Variants in AGPAT4 observed in about 807,000 individuals in gnomAD.
The protein encoded by AGPAT4 is 1-acyl-sn-glycerol-3-phosphate acyltransferase delta.
In AGPAT4, 15 loss-of-function variants were observed where a neutral mutation model predicts 48.0. The ratio of observed to expected loss-of-function variants is 0.31; its 90% CI spans 0.21 to 0.48. The LOEUF (loss-of-function observed/expected upper bound fraction) is 0.48, where lower values mean the gene tolerates loss of function less well. Ranked by LOEUF, AGPAT4 falls within the 20% of genes least tolerant of loss-of-function variation. The pLI is 0.99. For missense variants in AGPAT4, 314 were observed against 482.5 expected, an observed-to-expected ratio of 0.65 and a Z score of 3.27; for synonymous variants, 178 against 198.7, an observed-to-expected ratio of 0.90 and a Z score of 0.88.
intron 2 of AGPAT4, among the ~76,000 whole-genome samples, chr6:161,211,462 G>A (rs896438458): frequency 3.9e-5 from 6 of 152,006 alleles, no homozygotes; most frequent in Non-Finnish European, 8.8e-5. Context: ...GGTTTCTTTG[G>A]CAAGAAAGCT....
rs900371967 is a variant in AGPAT4 at position 161,244,913 on chromosome 6, C to G, written c.-89-12611G>C. ...GCCTGGGGAGTCCCAGTGTCAGAGA[C>G]AGGCTATCTCAGAAAACCAAGGAGA... On this transcript the variant is annotated intron_variant, in intron 1 of 8. Transcript: ENST00000320285. The surrounding 1 kb of genome is among the most constrained non-coding windows in gnomAD (Gnocchi z 4.7). Among the ~76,000 whole-genome samples the G allele has an allele frequency of 6.6e-6, 1 of 152,216 alleles. No individual in the cohort carries two copies. Among genetic ancestry groups the G allele is most frequent in the Non-Finnish European group, 1.5e-5 (1 of 68,050 alleles).
chr6:161,135,094 AC>A lies in AGPAT4; in HGVS notation c.*1445del, dbSNP rs1779023421. ...TTGGCTTACCTAGTTTGGTTGATAA[AC>A]AATGACTAAATGAGCAAATAGCCAA... On this transcript the variant is annotated 3_prime_UTR_variant, in exon 9 of 9. Coordinates refer to ENST00000320285, the MANE Select transcript of AGPAT4 (RefSeq NM_020133.3). 1 of 141,890 alleles carries A rather than the reference AC, an allele frequency of 7.0e-6. No individual in the cohort carries two copies. Among genetic ancestry groups the A allele is most frequent in the African/African-American group, 2.7e-5 (1 of 37,296 alleles). 8.8% of individuals were successfully genotyped at this position (141,890 alleles called of 1,614,324 possible). A position where few individuals can be genotyped will look rare whatever the true frequency, so the allele number is the denominator to read the frequency against.
In AGPAT4 at chr6:161,200,662, G is replaced by C. The variant is rs543514929; in HGVS notation, c.178+31374C>G. ...AATCATATTTACTATGTTGACTAGGGACACCATAGGTCCCTCCTCTGCTCT... is the reference window on the plus strand; with the variant it reads ...AATCATATTTACTATGTTGACTAGGCACACCATAGGTCCCTCCTCTGCTCT... On this transcript the variant is annotated intron_variant, in intron 2 of 8. Coordinates refer to ENST00000320285, the MANE Select transcript of AGPAT4 (RefSeq NM_020133.3). The surrounding 1 kb of genome is among the most constrained non-coding windows in gnomAD (Gnocchi z 5.5). Among the ~76,000 whole-genome samples the C allele has an allele frequency of 1.3e-5, 2 of 152,256 alleles. No homozygotes were observed. The highest frequency in any genetic ancestry group is 3.9e-4 in the East Asian group (2 of 5,184).
rs1165062744 is a variant in AGPAT4 at position 161,142,966 on chromosome 6, GCA to G, written c.844-3348_844-3347del. Among the ~76,000 whole-genome samples the G allele has an allele frequency of 6.6e-6, 1 of 152,226 alleles. No individual in the cohort carries two copies. Among genetic ancestry groups the G allele is most frequent in the Non-Finnish European group, 1.5e-5 (1 of 68,036 alleles). On this transcript the variant is annotated intron_variant, in intron 7 of 8. Transcript: ENST00000320285. This position sits in a 1 kb window ranked among gnomAD's most constrained non-coding sequence, Gnocchi z 6.4. Reference sequence around the variant, plus strand: ...TGTCCTTGAAGGCCAGAGCAGGAGAGCACAGTGTTTCCCACGGGCCACCATGC... The same window carrying G: ...TGTCCTTGAAGGCCAGAGCAGGAGAGCAGTGTTTCCCACGGGCCACCATGC...
chr6:161,231,524 C>A lies in AGPAT4; in HGVS notation c.178+512G>T, dbSNP rs188082067. ...ACTGGCCAAGGAGTGTACAGAATTT[C>A]TCAGTATTATTTGTTACAGCTTCAT... is the stretch of plus-strand genomic sequence containing the variant. On this transcript the variant is annotated intron_variant, in intron 2 of 8. Transcript: ENST00000320285. This position sits in a 1 kb window ranked among gnomAD's most constrained non-coding sequence, Gnocchi z 5.3. Among the ~76,000 whole-genome samples, 8 of 152,122 alleles carry A rather than the reference C, an allele frequency of 5.3e-5. No individual in the cohort carries two copies. The East Asian group carries it at 1.5e-3, about 29-fold the overall frequency.
At chr6:161,150,141 G>C (rs947618086) in intron 5 of AGPAT4, among the ~76,000 whole-genome samples, 1 of 152,168 alleles carries the variant, frequency 6.6e-6, no homozygotes, top group Non-Finnish European at 1.5e-5. Context: ...GAAGCTTCTT[G>C]GATCAAAGGA....
chr6:161,248,892 C>G (rs1296861897), intron 1 of AGPAT4, among the ~76,000 whole-genome samples: 1 of 152,108 alleles, frequency 6.6e-6, no homozygotes, highest in African/African-American at 2.4e-5. Context: ...AAGCTGGAGG[C>G]ATCACACTAT....
rs1029352385 is a variant in AGPAT4, at chr6:161,154,113, A to G, written c.510+36T>C. On this transcript the variant is annotated intron_variant, in intron 4 of 8. Coordinates refer to ENST00000320285, the MANE Select transcript of AGPAT4 (RefSeq NM_020133.3). The surrounding 1 kb of genome is among the most constrained non-coding windows in gnomAD (Gnocchi z 7.8). ...GGTCCCACGGTCACAGTCCTGCAGG[A>G]GCCCTTGGGACACAGCTGCTCTGGT... The G allele has an allele frequency of 8.7e-6, 14 of 1,613,416 alleles. No homozygotes were observed. Among genetic ancestry groups the G allele is most frequent in the Non-Finnish European group, 1.2e-5 (14 of 1,179,912 alleles).
intron 7 of AGPAT4, among the ~76,000 whole-genome samples, chr6:161,145,167 A>G (rs1326914381): frequency 6.6e-6 from 1 of 151,584 alleles, no homozygotes; most frequent in Non-Finnish European, 1.5e-5. Flanking sequence ...TCTTGTTGTT[A>G]AAAAGCTTCA....
At position 161,240,650 on chromosome 6, in the gene AGPAT4, G is replaced by A. The variant is rs1278303353; in HGVS notation, c.-89-8348C>T. Among the ~76,000 whole-genome samples the A allele has an allele frequency of 6.6e-6, 1 of 152,236 alleles. No homozygotes were observed. The highest frequency in any genetic ancestry group is 1.5e-5 in the Non-Finnish European group (1 of 68,046). ...GGACACAGAATCCCCAGGTACTGCG[G>A]TGCCCACAGAGGAGAGGGGAGTGGA... On this transcript the variant is annotated intron_variant, in intron 1 of 8. Coordinates refer to ENST00000320285, the MANE Select transcript of AGPAT4 (RefSeq NM_020133.3). This position sits in a 1 kb window ranked among gnomAD's most constrained non-coding sequence, Gnocchi z 5.5.
chr6:161,232,224 C>CG lies in AGPAT4; in HGVS notation c.-12dup, dbSNP rs1562349404. The CG allele has an allele frequency of 6.2e-7, 1 of 1,608,926 alleles. No homozygotes were observed. Among genetic ancestry groups the CG allele is most frequent in the South Asian group, 1.1e-5 (1 of 90,530 alleles). ...TCCCGCGAGGTCCATGATGCGTGGA[C>CG]GCTCTTATTCAGAAATAAATAACTA... On this transcript the variant is annotated 5_prime_UTR_variant, in exon 2 of 9. Coordinates refer to ENST00000320285, the MANE Select transcript of AGPAT4 (RefSeq NM_020133.3). The surrounding 1 kb of genome is among the most constrained non-coding windows in gnomAD (Gnocchi z 6.8).
intron 2 of AGPAT4, among the ~76,000 whole-genome samples, chr6:161,173,917 G>T (rs1780352930): frequency 1.3e-5 from 2 of 152,106 alleles, no homozygotes; most frequent in African/African-American, 4.8e-5. Context: ...TTTCCCCACT[G>T]CTTGTTTTTG....
rs1782023462 is a variant in AGPAT4 at position 161,227,813 on chromosome 6, C to G, written c.178+4223G>C. On this transcript the variant is annotated intron_variant, in intron 2 of 8. Transcript: ENST00000320285. ...GTTGTAAGAGGCAATATAGAGCTCA[C>G]TCTCCTTTTTTGAGCGTTACACAAA... Among the ~76,000 whole-genome samples, 3 of 152,314 alleles carry G rather than the reference C, an allele frequency of 2.0e-5. No individual in the cohort carries two copies. In the South Asian group the frequency reaches 6.2e-4, roughly 32 times the overall value.
intron 1 of AGPAT4, among the ~76,000 whole-genome samples, chr6:161,241,303 G>A (rs1782481663): frequency 6.6e-6 from 1 of 150,924 alleles, no homozygotes; most frequent in African/African-American, 2.4e-5. Context: ...TCATCTAATG[G>A]TATGGCAGAA....
intron 2 of AGPAT4, among the ~76,000 whole-genome samples, chr6:161,185,597 T>C (rs763375323): frequency 6.6e-6 from 1 of 152,224 alleles, no homozygotes; most frequent in Non-Finnish European, 1.5e-5. Context: ...TAAAGTGAAA[T>C]CTAGATTCTT....
At chr6:161,157,195 T>G (rs1410193226) in intron 3 of AGPAT4, among the ~76,000 whole-genome samples, 1 of 152,238 alleles carries the variant, frequency 6.6e-6, no homozygotes. Context: ...TTTTCCAGTT[T>G]TTTATTGTAA....
rs1282658393 is a variant in AGPAT4, at chr6:161,189,753, C to G, written c.179-23336G>C. Among the ~76,000 whole-genome samples, 2 of 152,154 alleles carry G rather than the reference C, an allele frequency of 1.3e-5. No homozygotes were observed. Among genetic ancestry groups the G allele is most frequent in the African/African-American group, 4.8e-5 (2 of 41,426 alleles). ...CCACCGCCCTCCTAACCCCTCTCTCCTCCACCCAAAAAAGGGCTGAATGCC... is the reference window on the plus strand; with the variant it reads ...CCACCGCCCTCCTAACCCCTCTCTCGTCCACCCAAAAAAGGGCTGAATGCC... On this transcript the variant is annotated intron_variant, in intron 2 of 8. Coordinates refer to ENST00000320285, the MANE Select transcript of AGPAT4 (RefSeq NM_020133.3). The surrounding 1 kb of genome is among the most constrained non-coding windows in gnomAD (Gnocchi z 5.3).
intron 5 of AGPAT4, among the ~76,000 whole-genome samples, chr6:161,151,306 C>A (rs1231944094): frequency 1.3e-5 from 2 of 152,252 alleles, no homozygotes; most frequent in Non-Finnish European, 2.9e-5. Context: ...CCCATGTGCA[C>A]AGTGCGTACA....
rs1372582036 is a variant in AGPAT4 at position 161,208,436 on chromosome 6, A to T, written c.178+23600T>A. 6.6e-6 allele frequency among the ~76,000 whole-genome samples: 1 copy of T among 152,036 alleles called. No homozygotes were observed. The highest frequency in any genetic ancestry group is 1.9e-4 in the East Asian group (1 of 5,186). Reference sequence around the variant, plus strand: ...CTCATGTACACACTTATGTATACAAATGCACGCACACACACCCACCCCCAA... The same window carrying T: ...CTCATGTACACACTTATGTATACAATTGCACGCACACACACCCACCCCCAA... On this transcript the variant is annotated intron_variant, in intron 2 of 8. Coordinates refer to ENST00000320285, the MANE Select transcript of AGPAT4 (RefSeq NM_020133.3). The surrounding 1 kb of genome is among the most constrained non-coding windows in gnomAD (Gnocchi z 4.6).
Sources: allele counts gnomAD v4.1 joint callset (sites outside exome capture counted in the v4.1 genomes callset), GRCh38; gene constraint gnomAD v4.1.1; non-coding constraint Gnocchi (gnomAD v3.1); transcripts MANE v1.5; gene names NCBI Gene and HGNC (gene_info 2026-07-23, HGNC 2026-07-21).